Variants in SGIP1 observed in about 807,000 individuals in gnomAD.
SGIP1 encodes SH3GL interacting endocytic adaptor 1, also known as SH3-containing GRB2-like protein 3-interacting protein 1.
A neutral mutation model predicts 107.5 loss-of-function variants in SGIP1; 38 were observed. The observed-to-expected ratio is 0.35, with a 90% confidence interval of 0.27 to 0.46. SGIP1 has a LOEUF of 0.46. SGIP1 is among the 20% of genes least tolerant of loss of function. SGIP1 has a pLI of 1.00. For missense variants in SGIP1, 929 were observed against 1,019.5 expected (o/e 0.91, Z 1.21); for synonymous variants, 365 against 366.1 (o/e 1.00, Z 0.03).
At chr1:66,553,289 A>G (rs1200580371) in intron 1 of SGIP1, among the ~76,000 whole-genome samples, 1 of 152,184 alleles carries the variant, frequency 6.6e-6, no homozygotes, top group Non-Finnish European at 1.5e-5. Context: ...AGCCAGCTGC[A>G]TACGAAACTT....
intron 1 of SGIP1, among the ~76,000 whole-genome samples, chr1:66,604,436 A>G (rs770201342): frequency 6.6e-6 from 1 of 152,194 alleles, no homozygotes; most frequent in Non-Finnish European, 1.5e-5. Flanking sequence ...TAACGTGAAA[A>G]TACCAAAAGA....
intron 1 of SGIP1, among the ~76,000 whole-genome samples, chr1:66,607,841 A>G (rs553552663): frequency 5.5e-4 from 84 of 152,308 alleles, no homozygotes; most frequent in African/African-American, 1.9e-3. Context: ...CTTCATTTAA[A>G]TTTCTTTCTC....
intron 1 of SGIP1, among the ~76,000 whole-genome samples, chr1:66,591,351 T>A (rs2063585661): frequency 6.6e-6 from 1 of 152,238 alleles, no homozygotes; most frequent in African/African-American, 2.4e-5. Context: ...CCCGTTAGAA[T>A]GATCTAGGTG....
intron 1 of SGIP1, among the ~76,000 whole-genome samples, chr1:66,559,080 G>A (rs1449951500): frequency 6.6e-6 from 1 of 152,054 alleles, no homozygotes; most frequent in East Asian, 1.9e-4. Flanking sequence ...GTACTGCTGG[G>A]CCCCTTTCTC....
intron 2 of SGIP1, among the ~76,000 whole-genome samples, chr1:66,626,482 A>G (rs550601131): frequency 6.6e-6 from 1 of 152,362 alleles, no homozygotes; most frequent in East Asian, 1.9e-4. Flanking sequence ...TTACATATTT[A>G]AGTGTCATAT....
rs117743662 is a variant in SGIP1, at chr1:66,624,208, G to A, written c.11-1639G>A. 4.6e-5 allele frequency among the ~76,000 whole-genome samples: 7 copies of A among 152,258 alleles called. No individual in the cohort carries two copies. The East Asian group carries it at 1.4e-3, about 29-fold the overall frequency. Reference sequence around the variant, plus strand: ...GAAGCTAAAACAGAAGCAAAGAGAAGCCAATTAGGAGACTTGAAAACCAAG... The same window carrying A: ...GAAGCTAAAACAGAAGCAAAGAGAAACCAATTAGGAGACTTGAAAACCAAG... On this transcript the variant is annotated intron_variant, in intron 1 of 24. Coordinates refer to ENST00000371037, the MANE Select transcript of SGIP1 (RefSeq NM_032291.4).
At chr1:66,609,435 G>T (rs1398523254) in intron 1 of SGIP1, among the ~76,000 whole-genome samples, 1 of 152,176 alleles carries the variant, frequency 6.6e-6, no homozygotes. Flanking sequence ...GCACAAATGT[G>T]CAGACTTGTT....
rs1175953338 is a variant in SGIP1, at chr1:66,549,151, C to A, written c.10+14783C>A. On this transcript the variant is annotated intron_variant, in intron 1 of 24. Transcript: ENST00000371037. ...TCTGGCTACCTGCCTTCCTTCCTTC[C>A]TTCCTTCCTTCCTTCCTTCCTTCCT... Among the ~76,000 whole-genome samples, 14 of 138,442 alleles carry A rather than the reference C, an allele frequency of 1.0e-4. No homozygotes were observed. The East Asian group carries it at 2.7e-3, about 26-fold the overall frequency. The allele number at this position is 138,442 out of a possible 152,430, so 90.8% of individuals were successfully genotyped here.
At position 66,701,655 on chromosome 1, in the gene SGIP1, C is replaced by A. The variant is rs181245211; in HGVS notation, c.1630+6162C>A. ...TTCTGCCGAGGATTTCAGTAGTACA[C>A]TTTACCTCTTCATAATAAATTAGTT... On this transcript the variant is annotated intron_variant, in intron 18 of 24. Coordinates refer to ENST00000371037, the MANE Select transcript of SGIP1 (RefSeq NM_032291.4). Among the ~76,000 whole-genome samples the A allele has an allele frequency of 2.3e-3, 355 of 152,296 alleles. 2 individuals carry two copies. The highest frequency in any genetic ancestry group is 8.1e-3 in the African/African-American group (338 of 41,562).
intron 12 of SGIP1, among the ~76,000 whole-genome samples, chr1:66,674,908 T>C (rs1270844752): frequency 6.6e-6 from 1 of 152,250 alleles, no homozygotes; most frequent in East Asian, 1.9e-4. Context: ...TTCTGGGAGA[T>C]AGCCAGCAGT....
chr1:66,681,772 C>A, intron 14 of SGIP1, 97 bp from the exon 15 acceptor site: 1 of 1,316,112 alleles, frequency 7.6e-7, no homozygotes, highest in Non-Finnish European at 1.1e-6. Flanking sequence ...TGAGGCACCT[C>A]AGACACCAAT....
chr1:66,573,588 AAG>A (rs2060675914), intron 1 of SGIP1, among the ~76,000 whole-genome samples: 2 of 152,330 alleles, frequency 1.3e-5, no homozygotes, highest in African/African-American at 2.4e-5. Context: ...ACAAAAAAGA[AAG>A]AGATCATGTC....
At chr1:66,606,555 C>A (rs2066884394) in intron 1 of SGIP1, among the ~76,000 whole-genome samples, 1 of 152,152 alleles carries the variant, frequency 6.6e-6, no homozygotes, top group Non-Finnish European at 1.5e-5. Context: ...TGACAGAGGG[C>A]TTGGCTGATT....
chr1:66,568,431 C>A (rs2059944873), intron 1 of SGIP1, among the ~76,000 whole-genome samples: 1 of 152,018 alleles, frequency 6.6e-6, no homozygotes, highest in Non-Finnish European at 1.5e-5. Flanking sequence ...AGAATCATGT[C>A]ATCTGCAAAC....
At position 66,746,475 on chromosome 1, in the gene SGIP1, T is replaced by C. The variant is rs1344041302; in HGVS notation, c.*3380T>C. ...AACTCTGAAGTTCCACAGTTGTAAT[T>C]TACTCAGATAAACCACCTTTTGAGG... On this transcript the variant is annotated 3_prime_UTR_variant, in exon 25 of 25. Coordinates refer to ENST00000371037, the MANE Select transcript of SGIP1 (RefSeq NM_032291.4). 6.6e-6 allele frequency: 1 copy of C among 152,118 alleles called. No homozygotes were observed. The highest frequency in any genetic ancestry group is 6.5e-5 in the Admixed American group (1 of 15,270). The allele number at this position is 152,118 out of a possible 1,614,324, so 9.4% of individuals were successfully genotyped here.
chr1:66,708,582 T>C (rs964238605), intron 18 of SGIP1, among the ~76,000 whole-genome samples: 10 of 152,192 alleles, frequency 6.6e-5, no homozygotes, highest in Admixed American at 6.5e-4. Context: ...TGTTCTGACT[T>C]GGATAATAAA....
At chr1:66,740,272 C>T (rs192227846) in intron 22 of SGIP1, among the ~76,000 whole-genome samples, 78 of 152,208 alleles carry the variant, frequency 5.1e-4, no homozygotes, top group African/African-American at 1.8e-3. Context: ...TTTTTCCATA[C>T]GACTGTCAGA....
intron 1 of SGIP1, among the ~76,000 whole-genome samples, chr1:66,611,683 A>G (rs1011540789): frequency 2.0e-4 from 31 of 152,174 alleles, no homozygotes; most frequent in Non-Finnish European, 2.4e-4. Flanking sequence ...AGTCTATGTG[A>G]ACAGATCGGA....
At chr1:66,672,115 T>G (rs965565512) in intron 11 of SGIP1, 120 bp downstream of exon 11, 1 of 852,562 alleles carries the variant, frequency 1.2e-6, no homozygotes, top group Non-Finnish European at 1.9e-6. Context: ...CCAAAACATG[T>G]CAGTCCATAT....
Sources: gnomAD v4.1 joint callset for allele counts (sites outside exome capture counted in the v4.1 genomes callset) on GRCh38, gnomAD v4.1.1 for gene constraint, MANE v1.5 for transcripts, NCBI Gene and HGNC (gene_info 2026-07-23, HGNC 2026-07-21) for gene names.